Variants in MSH3 observed in about 807,000 individuals in gnomAD.
MSH3 encodes the protein mutS homolog 3.
A neutral mutation model predicts 123.3 loss-of-function variants in MSH3; 106 were observed. That is an observed-to-expected ratio of 0.86 (90% CI 0.73 to 1.01). MSH3 has a LOEUF of 1.01. Among genes scored for constraint, MSH3 ranks in the 50% least tolerant of loss-of-function variants. The probability of loss-of-function intolerance (pLI) is 0.00; values close to 1 mark genes in which losing one functional copy is unlikely to be tolerated. For missense variants in MSH3, 1,459 were observed against 1,347.6 expected, an observed-to-expected ratio of 1.08 and a Z score of -1.29; for synonymous variants, 515 against 481.4, an observed-to-expected ratio of 1.07 and a Z score of -0.91.
In MSH3 at chr5:80,787,662, G is replaced by C. The variant is rs1335381574; in HGVS notation, c.2533G>C (p.Asp845His). The change falls in exon 18 of 24, where the codon GAT (aspartate) becomes CAT (histidine). Residue 845 changes from aspartate (D) to histidine (H), a missense_variant. Transcript: ENST00000265081. The part of the protein sequence containing the change: ...FSLAKVAKQG[D>H]YCRPTVQEER... ...CCTGGCCAAGGTCGCTAAGCAAGGA[G>C]ATTACTGCAGGTAAGATATTTTTCA... 6.2e-7 allele frequency: 1 copy of C among 1,610,670 alleles called. No homozygotes were observed. Among genetic ancestry groups the C allele is most frequent in the African/African-American group, 1.3e-5 (1 of 74,974 alleles).
intron 10 of MSH3, 24 bp downstream of exon 10, chr5:80,728,989 A>G (rs746596527): frequency 8.0e-7 from 1 of 1,247,540 alleles, no homozygotes. Flanking sequence ...CCAAAATTAA[A>G]AAAAGGGGGA....
chr5:80,710,510 C>T (rs983101288), intron 8 of MSH3, among the ~76,000 whole-genome samples: 1 of 152,148 alleles, frequency 6.6e-6, no homozygotes, highest in African/African-American at 2.4e-5. Context: ...AGCATCTGTG[C>T]TTAAAACAAA....
chr5:80,767,953 C>G lies in MSH3; in HGVS notation c.1917C>G (p.Phe639Leu), dbSNP rs773818431. The change falls in exon 14 of 24, where the codon TTC (phenylalanine) becomes TTG (leucine). Residue 639 changes from phenylalanine (F) to leucine (L), a missense_variant. Physicochemically the swap from Phe to Leu is conservative, Grantham distance 22. Transcript: ENST00000265081. The stretch of plus-strand genomic sequence containing the variant: ...TTCAGTGTTCTACCCAAGAGTTCTT[C>G]TTGATTGTCAAAACTTTATATCACC... ...YHKKCSTQEF[F>L]LIVKTLYHLK... is the part of the protein sequence containing the mutation. 2 of 1,611,642 alleles carry G rather than the reference C, an allele frequency of 1.2e-6. No homozygotes were observed. Among genetic ancestry groups the G allele is most frequent in the Admixed American group, 3.3e-5 (2 of 60,008 alleles).
rs185552742 is a variant in MSH3 at position 80,656,509 on chromosome 5, T to C, written c.336T>C (p.Asp112=). 6.2e-7 allele frequency: 1 copy of C among 1,614,160 alleles called. No individual in the cohort carries two copies. The highest frequency in any genetic ancestry group is 2.2e-5 in the East Asian group (1 of 44,872). The change falls in exon 2 of 24, where the codon GAT becomes GAC. Residue 112 remains aspartate (D), a synonymous_variant. Transcript: ENST00000265081. The part of the protein sequence containing the change: ...KKVQQKEGGS[D]LGMSGNSEPK... ...TCCAACAAAAGGAAGGAGGAAGTGATCTGGGAATGTCTGGCAACTCTGGTG... is the reference window on the plus strand; with the variant it reads ...TCCAACAAAAGGAAGGAGGAAGTGACCTGGGAATGTCTGGCAACTCTGGTG...
At chr5:80,860,451 T>TG (rs1745996731) in intron 21 of MSH3, among the ~76,000 whole-genome samples, 1 of 151,500 alleles carries the variant, frequency 6.6e-6, no homozygotes, top group Non-Finnish European at 1.5e-5. Context: ...TTGTTTTTTT[T>TG]TTTTTTTCCT....
rs1239504645 is a variant in MSH3 at position 80,875,826 on chromosome 5, C to T, written c.3378C>T (p.Phe1126=). The T allele has an allele frequency of 6.2e-7, 1 of 1,612,860 alleles. No homozygotes were observed. Among genetic ancestry groups the T allele is most frequent in the Non-Finnish European group, 8.5e-7 (1 of 1,179,052 alleles). The change falls in exon 24 of 24, where the codon TTC becomes TTT. Residue 1126 remains phenylalanine, a synonymous_variant. Coordinates refer to ENST00000265081, the MANE Select transcript of MSH3 (RefSeq NM_002439.5). ...ACCTGCAGAAGTGGACAGAGGAGTT[C>T]AACATGGAAGAAACACAGACTTCTC... ...AQDLQKWTEE[F]NMEETQTSLL...
chr5:80,809,442 C>A (rs984999197), intron 19 of MSH3, among the ~76,000 whole-genome samples: 1 of 152,140 alleles, frequency 6.6e-6, no homozygotes, highest in South Asian at 2.1e-4. Context: ...ATACTCTTAT[C>A]TTTCAAGGTA....
intron 9 of MSH3, among the ~76,000 whole-genome samples, chr5:80,726,526 G>A (rs959473957): frequency 6.6e-6 from 1 of 152,088 alleles, no homozygotes; most frequent in African/African-American, 2.4e-5. Context: ...GAGTACAGTG[G>A]TGCAATCTTA....
intron 13 of MSH3, among the ~76,000 whole-genome samples, chr5:80,766,369 G>A (rs1344137560): frequency 6.5e-5 from 8 of 123,374 alleles, no homozygotes; most frequent in Admixed American, 6.2e-4. Context: ...TTTTTGAGAC[G>A]GAATCTTGCT....
At chr5:80,837,766 T>G (rs1745542917) in intron 20 of MSH3, among the ~76,000 whole-genome samples, 1 of 152,240 alleles carries the variant, frequency 6.6e-6, no homozygotes, top group South Asian at 2.1e-4. Context: ...TCAACATTTC[T>G]GTGGTTCATG....
At chr5:80,800,915 C>G (rs245407) in intron 19 of MSH3, among the ~76,000 whole-genome samples, 105,928 of 152,092 alleles carry the variant, frequency 0.7, 36,925 homozygotes, top group South Asian at 0.73. Flanking sequence ...GATAGAGAAT[C>G]ACAGAGCAGA....
intron 20 of MSH3, among the ~76,000 whole-genome samples, chr5:80,849,870 A>C (rs1357481499): frequency 6.6e-6 from 1 of 152,076 alleles, no homozygotes; most frequent in Non-Finnish European, 1.5e-5. Flanking sequence ...ACCTGGCTTG[A>C]ATTTCTCCTC....
At chr5:80,837,286 C>T (rs1003312327) in intron 20 of MSH3, among the ~76,000 whole-genome samples, 17 of 152,054 alleles carry the variant, frequency 1.1e-4, no homozygotes, top group African/African-American at 4.1e-4. Context: ...TGCAAGAATA[C>T]TAGGGACAGG....
intron 20 of MSH3, among the ~76,000 whole-genome samples, chr5:80,830,011 A>G (rs1294654206): frequency 6.6e-6 from 1 of 152,180 alleles, no homozygotes; most frequent in Non-Finnish European, 1.5e-5. Context: ...TATGAAATTT[A>G]TGGCCATAAC....
intron 13 of MSH3, among the ~76,000 whole-genome samples, chr5:80,765,240 T>A (rs768918426): frequency 6.1e-4 from 93 of 152,236 alleles, no homozygotes; most frequent in Non-Finnish European, 1.1e-3. Context: ...TTTCTTGGGA[T>A]TACAATAATC....
intron 10 of MSH3, among the ~76,000 whole-genome samples, chr5:80,730,197 C>G (rs913487877): frequency 6.6e-6 from 1 of 152,150 alleles, no homozygotes; most frequent in African/African-American, 2.4e-5. Context: ...AATGAATGAA[C>G]TAGAGCTATT....
chr5:80,802,519 A>G (rs1204350691), intron 19 of MSH3, among the ~76,000 whole-genome samples: 2 of 152,082 alleles, frequency 1.3e-5, no homozygotes, highest in Non-Finnish European at 2.9e-5. Context: ...TTACCCTCAC[A>G]TGAGGGTAAC....
At chr5:80,684,787 G>T (rs773148158) in intron 8 of MSH3, among the ~76,000 whole-genome samples, 1 of 152,144 alleles carries the variant, frequency 6.6e-6, no homozygotes, top group Non-Finnish European at 1.5e-5. Context: ...TATGATAATA[G>T]CTGTGGGTCT....
At chr5:80,858,606 A>G (rs755321824) in intron 21 of MSH3, among the ~76,000 whole-genome samples, 52 of 152,204 alleles carry the variant, frequency 3.4e-4, no homozygotes, top group Non-Finnish European at 6.5e-4. Context: ...AAATTTGTCA[A>G]CATGTGTTTT....
Sources: gnomAD v4.1 joint callset for allele counts (sites outside exome capture counted in the v4.1 genomes callset) on GRCh38, gnomAD v4.1.1 for gene constraint, MANE v1.5 for transcripts, NCBI Gene and HGNC (gene_info 2026-07-23, HGNC 2026-07-21) for gene names.